SEC14L1: variants seen among roughly 807,000 people sequenced by gnomAD.
SEC14L1 encodes the protein SEC14 like lipid binding 1.
Under a neutral mutation model 85.3 loss-of-function variants are expected in SEC14L1, and 48 were observed. The ratio of observed to expected loss-of-function variants is 0.56; its 90% confidence interval spans 0.45 to 0.72. SEC14L1 has a LOEUF of 0.72. SEC14L1 is among the 30% of genes least tolerant of loss of function. The probability of loss-of-function intolerance (pLI) is 0.00; values close to 1 mark genes in which losing one functional copy is unlikely to be tolerated. For synonymous variants in SEC14L1, 391 were observed against 355.5 expected (o/e 1.10, Z -1.12); for missense variants, 682 against 921.4 (o/e 0.74, Z 3.36).
intron 14 of SEC14L1, 61 bp downstream of exon 14, chr17:77,209,537 G>A (rs1208251444): frequency 5.1e-6 from 8 of 1,563,418 alleles, no homozygotes; most frequent in Admixed American, 1.9e-5. Context: ...CCTGGCCCTC[G>A]CAGGGCTTCC....
chr17:77,093,519 G>A (rs1259132325), intron 3 of SEC14L1: 1 of 152,288 alleles, frequency 6.6e-6, no homozygotes, highest in Admixed American at 6.5e-5. Context: ...AGGAACTTTG[G>A]CTGCAGAGGG....
intron 3 of SEC14L1, among the ~76,000 whole-genome samples, chr17:77,106,616 C>T (rs754893470): frequency 1.3e-5 from 2 of 151,840 alleles, no homozygotes; most frequent in African/African-American, 2.4e-5. Context: ...GCCTGGCTAA[C>T]ATAGTGAAAG....
chr17:77,164,737 G>A (rs914388110), intron 3 of SEC14L1, among the ~76,000 whole-genome samples: 1 of 152,158 alleles, frequency 6.6e-6, no homozygotes, highest in African/African-American at 2.4e-5. Context: ...GTGGTGATGC[G>A]GAGTGGGAGG....
At chr17:77,172,915 C>T (rs575952895) in intron 3 of SEC14L1, among the ~76,000 whole-genome samples, 13 of 152,252 alleles carry the variant, frequency 8.5e-5, no homozygotes, top group African/African-American at 2.6e-4. Context: ...GATCTGTGGC[C>T]GCAAGTTTTT....
At chr17:77,204,227 T>C (rs1211551027) in intron 10 of SEC14L1, among the ~76,000 whole-genome samples, 1 of 152,198 alleles carries the variant, frequency 6.6e-6, no homozygotes, top group African/African-American at 2.4e-5. Context: ...TTTTTTATTA[T>C]GTTTTTTGAG....
At chr17:77,198,416 T>C (rs1479978405) in intron 8 of SEC14L1, among the ~76,000 whole-genome samples, 2 of 152,204 alleles carry the variant, frequency 1.3e-5, no homozygotes. Context: ...GTCACATCTT[T>C]AGAAGGGGAA....
At chr17:77,120,353 G>A (rs1972265326) in intron 3 of SEC14L1, among the ~76,000 whole-genome samples, 1 of 152,184 alleles carries the variant, frequency 6.6e-6, no homozygotes, top group Admixed American at 6.6e-5. Context: ...CACAACCACA[G>A]TGCCATCACA....
chr17:77,199,831 C>T (rs1205344630), intron 8 of SEC14L1, among the ~76,000 whole-genome samples: 1 of 152,190 alleles, frequency 6.6e-6, no homozygotes, highest in Non-Finnish European at 1.5e-5. Flanking sequence ...CTGGTACCAC[C>T]TCATTTTTAA....
chr17:77,146,157 AG>A (rs1973293242), intron 3 of SEC14L1, among the ~76,000 whole-genome samples: 1 of 152,084 alleles, frequency 6.6e-6, no homozygotes, highest in Admixed American at 6.5e-5. Context: ...ACCCTTGTTC[AG>A]TGAGCTGGGC....
intron 3 of SEC14L1, among the ~76,000 whole-genome samples, chr17:77,097,555 T>TC (rs1419920268): frequency 1.5e-5 from 2 of 137,856 alleles, no homozygotes; most frequent in Non-Finnish European, 3.0e-5. Flanking sequence ...AGAGCAAGAC[T>TC]CCATCTCAAG....
intron 2 of SEC14L1, among the ~76,000 whole-genome samples, chr17:77,090,912 G>C (rs1211132898): frequency 1.4e-5 from 2 of 145,246 alleles, no homozygotes; most frequent in African/African-American, 4.9e-5. Context: ...TAAAGCTGCA[G>C]TGAGTCATGA....
chr17:77,200,703 A>G (rs1207519093), intron 9 of SEC14L1, 30 bp downstream of exon 9: 8 of 1,594,508 alleles, frequency 5.0e-6, no homozygotes, highest in Non-Finnish European at 6.8e-6. Flanking sequence ...CTGTGTTTCC[A>G]TCGTTGTCTT....
intron 3 of SEC14L1, among the ~76,000 whole-genome samples, chr17:77,166,713 C>G (rs1974298997): frequency 1.3e-5 from 2 of 152,040 alleles, no homozygotes; most frequent in African/African-American, 4.8e-5. Context: ...GTGGCGCACA[C>G]CTGTAGTCCC....
At chr17:77,162,335 G>A (rs1362729265) in intron 3 of SEC14L1, among the ~76,000 whole-genome samples, 1 of 152,156 alleles carries the variant, frequency 6.6e-6, no homozygotes, top group Non-Finnish European at 1.5e-5. Context: ...TTAAATATGG[G>A]CAACCCTTCA....
rs1304386273 is a variant in SEC14L1, at chr17:77,213,602, T to C, written c.2042+110T>C. 7.5e-7 allele frequency: 1 copy of C among 1,333,418 alleles called. No individual in the cohort carries two copies. The highest frequency in any genetic ancestry group is 1.0e-6 in the Non-Finnish European group (1 of 954,410). The allele number at this position is 1,333,418 out of a possible 1,614,324, so 82.6% of individuals were successfully genotyped here. ...CAGCAGTGGCGGCGGGTGTCAGGAA[T>C]GCTTGGAGGGCCAGGAGGGAGTGGC... On this transcript the variant is annotated intron_variant, in intron 16 of 16. Coordinates refer to ENST00000436233, the MANE Select transcript of SEC14L1 (RefSeq NM_001143998.2). The surrounding 1 kb of genome is among the most constrained non-coding windows in gnomAD (Gnocchi z 7.1).
chr17:77,168,241 C>G (rs144651896), intron 3 of SEC14L1, among the ~76,000 whole-genome samples: 45 of 152,274 alleles, frequency 3.0e-4, no homozygotes, highest in African/African-American at 1.0e-3. Context: ...ACAGTTAAAC[C>G]CTTTGAAGAG....
intron 3 of SEC14L1, among the ~76,000 whole-genome samples, chr17:77,127,424 A>G (rs1972482701): frequency 6.6e-6 from 1 of 152,130 alleles, no homozygotes; most frequent in African/African-American, 2.4e-5. Context: ...ATCTCAGCTC[A>G]CTGCAACCTC....
intron 11 of SEC14L1, among the ~76,000 whole-genome samples, chr17:77,205,931 G>A (rs187307486): frequency 1.3e-5 from 2 of 152,238 alleles, no homozygotes; most frequent in East Asian, 3.9e-4. Flanking sequence ...AGCACGTCGA[G>A]GACAGCACAC....
At chr17:77,139,665 T>C (rs1273135331), upstream of SEC14L1, among the ~76,000 whole-genome samples, 1 of 151,618 alleles carries the variant, frequency 6.6e-6, no homozygotes, top group Non-Finnish European at 1.5e-5. Context: ...GCCCGGCTAA[T>C]CTGTTGTATT....
Sources: gnomAD v4.1 joint callset for allele counts (sites outside exome capture counted in the v4.1 genomes callset) on GRCh38, gnomAD v4.1.1 for gene constraint, Gnocchi (gnomAD v3.1) non-coding constraint, MANE v1.5 for transcripts, NCBI Gene and HGNC (gene_info 2026-07-23, HGNC 2026-07-21) for gene names.